NUP188: variants seen among roughly 807,000 people sequenced by gnomAD.
NUP188 encodes nucleoporin 188.
In NUP188, 97 loss-of-function variants were observed where a neutral mutation model predicts 223.0. The observed-to-expected ratio is 0.43, with a 90% CI of 0.37 to 0.51. NUP188 has a LOEUF of 0.51. Ranked by LOEUF, NUP188 falls within the 20% of genes least tolerant of loss-of-function variation. The probability of loss-of-function intolerance (pLI) is 0.00; values close to 1 mark genes in which losing one functional copy is unlikely to be tolerated. For synonymous variants in NUP188, 869 were observed against 828.0 expected (o/e 1.05, Z -0.85); for missense variants, 1,947 against 2,175.6 (o/e 0.89, Z 2.09).
intron 20 of NUP188, among the ~76,000 whole-genome samples, chr9:128,986,147 T>C (rs1249419547): frequency 6.6e-6 from 1 of 152,190 alleles, no homozygotes; most frequent in Non-Finnish European, 1.5e-5. Context: ...ACAGATATCA[T>C]TGGGTATCAG....
At chr9:128,960,288 C>G (rs1841929632) in intron 8 of NUP188, among the ~76,000 whole-genome samples, 1 of 151,450 alleles carries the variant, frequency 6.6e-6, no homozygotes, top group African/African-American at 2.4e-5. Context: ...AGGGTTTCAC[C>G]GTGTTAGCCA....
At chr9:128,962,787 T>A (rs1841974491) in intron 8 of NUP188, among the ~76,000 whole-genome samples, 1 of 152,234 alleles carries the variant, frequency 6.6e-6, no homozygotes, top group Non-Finnish European at 1.5e-5. Flanking sequence ...TACTTTTTAA[T>A]GGGAAGCATT....
At chr9:128,993,117 C>G in intron 25 of NUP188, 80 bp from the exon 26 acceptor site, 1 of 1,220,356 alleles carries the variant, frequency 8.2e-7, no homozygotes, top group South Asian at 1.2e-5. Flanking sequence ...TCTGGGAGCT[C>G]TTCAGTGCCC....
At chr9:128,968,969 G>A (rs907295783) in intron 9 of NUP188, among the ~76,000 whole-genome samples, 6 of 152,110 alleles carry the variant, frequency 3.9e-5, no homozygotes, top group African/African-American at 9.7e-5. Context: ...ACAAAAATTC[G>A]TTGAACAACT....
chr9:128,993,820 C>T (rs1231048544), intron 27 of NUP188, 126 bp downstream of exon 27: 3 of 788,748 alleles, frequency 3.8e-6, no homozygotes, highest in Non-Finnish European at 6.0e-6. Flanking sequence ...TGGTTCAATA[C>T]CTGGGAGTTT....
At chr9:128,950,013 C>T (rs1431794688) in intron 2 of NUP188, among the ~76,000 whole-genome samples, 1 of 150,748 alleles carries the variant, frequency 6.6e-6, no homozygotes, top group Non-Finnish European at 1.5e-5. Flanking sequence ...ACCTCTGCCA[C>T]CTGGGTTCAA....
intron 4 of NUP188, 45 bp from the exon 5 acceptor site, chr9:128,956,907 G>A (rs113299176): frequency 5.3e-6 from 7 of 1,326,592 alleles, no homozygotes; most frequent in African/African-American, 4.4e-5. Context: ...TGCATCCTGT[G>A]TGCGATTTCT....
intron 37 of NUP188, 66 bp from the exon 38 acceptor site, chr9:129,003,251 G>C: frequency 4.5e-6 from 7 of 1,548,022 alleles, no homozygotes; most frequent in Non-Finnish European, 6.1e-6. Context: ...CCACAGGAGG[G>C]TAGGTGTGGG....
At chr9:128,987,080 AGAGAGAGAGT>A (rs1263183864) in intron 22 of NUP188, among the ~76,000 whole-genome samples, 14 of 132,296 alleles carry the variant, frequency 1.1e-4, no homozygotes, top group Non-Finnish European at 2.1e-4. Flanking sequence ...AGAGAGAGAG[AGAGAGAGAGT>A]GTGTGTGTGT....
At chr9:128,984,261 G>C (rs917053983) in intron 19 of NUP188, among the ~76,000 whole-genome samples, 1 of 151,696 alleles carries the variant, frequency 6.6e-6, no homozygotes, top group Admixed American at 6.6e-5. Flanking sequence ...CAAGTAGCTG[G>C]GATTACAGGC....
intron 34 of NUP188, among the ~76,000 whole-genome samples, chr9:129,000,459 C>G: frequency 6.6e-6 from 1 of 152,002 alleles, no homozygotes; most frequent in East Asian, 2.0e-4. Context: ...GCTGGGGCTA[C>G]AGGTGTCTGC....
In NUP188 at chr9:128,963,560, T is replaced by C. The variant is rs555108446; in HGVS notation, c.585+4426T>C. On this transcript the variant is annotated intron_variant, in intron 8 of 43. Transcript: ENST00000372577. ...TTGTTTATCCATAGTGGCTATACCG[T>C]TTTGCATTCCCACCAGAAATGTATG... 7.9e-5 allele frequency among the ~76,000 whole-genome samples: 12 copies of C among 152,182 alleles called. No homozygotes were observed. In the South Asian group the frequency reaches 2.3e-3, roughly 29 times the overall value.
At chr9:128,947,785 T>TC in intron 1 of NUP188, 34 bp downstream of exon 1, 1 of 1,375,642 alleles carries the variant, frequency 7.3e-7, no homozygotes, top group South Asian at 1.7e-5. Context: ...GGGGTGGCTG[T>TC]GAAGCGCGGT....
chr9:128,960,289 G>A (rs1034311397), intron 8 of NUP188, among the ~76,000 whole-genome samples: 18 of 151,130 alleles, frequency 1.2e-4, no homozygotes, highest in African/African-American at 2.7e-4. Context: ...GGGTTTCACC[G>A]TGTTAGCCAG....
intron 10 of NUP188, 70 bp from the exon 11 acceptor site, chr9:128,970,688 T>C (rs1409878860): frequency 7.5e-6 from 10 of 1,333,876 alleles, no homozygotes; most frequent in Non-Finnish European, 9.6e-6. Flanking sequence ...TTGAGCGTGA[T>C]GAAGAATCTG....
In NUP188 at chr9:128,969,413, C is replaced by G. The variant is rs1197674801; in HGVS notation, c.811C>G (p.Leu271Val). 6.2e-7 allele frequency: 1 copy of G among 1,610,078 alleles called. No homozygotes were observed. The highest frequency in any genetic ancestry group is 1.7e-5 in the Admixed American group (1 of 59,638). Residue 271 changes from leucine to valine, a missense_variant, in exon 10 of 44, where the codon CTC (leucine) becomes GTC (valine). This residue lies in a region of NUP188 where 817 missense variants were observed against 865.8 expected (regional missense o/e 0.94). Coordinates refer to ENST00000372577, the MANE Select transcript of NUP188 (RefSeq NM_015354.3). ...TTTTCTTTCTAGCTACTTCAGTGCC[C>G]TCATCCTGGTGGAGGGCATGGATAT... ...FVDRIGYFSALILVEGMDIES... is the reference protein window; with the variant it reads ...FVDRIGYFSAVILVEGMDIES...
rs535545041 is a variant in NUP188 at position 128,981,145 on chromosome 9, G to A, written c.1390-119G>A. The A allele has an allele frequency of 9.6e-6, 12 of 1,249,140 alleles. No homozygotes were observed. In the African/African-American group the frequency reaches 1.8e-4, roughly 19 times the overall value. The allele number at this position is 1,249,140 out of a possible 1,614,324, so 77.4% of individuals were successfully genotyped here. ...CGAGGGGCGCAGAAGGCAGTTCCAA[G>A]AACAGTCACAGTGGTGGGCTTGCAA... On this transcript the variant is annotated intron_variant, in intron 14 of 43. Transcript: ENST00000372577.
At position 129,006,559 on chromosome 9, in the gene NUP188, G is replaced by A. The variant is rs1399050771; in HGVS notation, c.5131G>A (p.Ala1711Thr). The A allele has an allele frequency of 3.7e-6, 6 of 1,614,090 alleles. No individual in the cohort carries two copies. In the African/African-American group the frequency reaches 6.7e-5, roughly 18 times the overall value. ...YFRRGAPSSP[A>T]TGVLPSPQGK... ...CCGCCGGGGAGCCCCCAGCTCCCCTGCCACTGGTGTCCTCCCCTCGCCGCA... is the reference window on the plus strand; with the variant it reads ...CCGCCGGGGAGCCCCCAGCTCCCCTACCACTGGTGTCCTCCCCTCGCCGCA... The change falls in exon 44 of 44, where the codon GCC becomes ACC. Residue 1711 changes from alanine to threonine, a missense_variant. Physicochemically the swap from Ala to Thr is moderately conservative, Grantham distance 58. Around this residue, in one of 3 missense-constraint regions of NUP188, gnomAD observed 905 missense variants for 990.6 expected, o/e 0.91. Transcript: ENST00000372577.
At chr9:128,991,375 T>G (rs1842427526) in intron 25 of NUP188, among the ~76,000 whole-genome samples, 1 of 151,850 alleles carries the variant, frequency 6.6e-6, no homozygotes, top group Non-Finnish European at 1.5e-5. Context: ...CCACCTCTAC[T>G]AAAAATACCA....
Sources: allele counts gnomAD v4.1 joint callset (sites outside exome capture counted in the v4.1 genomes callset), GRCh38; gene constraint gnomAD v4.1.1; regional missense constraint gnomAD v4.1.1; transcripts MANE v1.5; gene names NCBI Gene and HGNC (gene_info 2026-07-23, HGNC 2026-07-21).